SPATA13: variants seen among roughly 807,000 people sequenced by gnomAD.
SPATA13 encodes spermatogenesis-associated protein 13.
SPATA13 carries 50 observed loss-of-function variants against 104.0 expected under a neutral mutation model. The observed-to-expected ratio is 0.48, with a 90% CI of 0.38 to 0.61. The LOEUF (loss-of-function observed/expected upper bound fraction) is 0.61. SPATA13 is among the 20% of genes least tolerant of loss of function. SPATA13 has a pLI of 0.00. For synonymous variants in SPATA13, 606 were observed against 667.5 expected, an observed-to-expected ratio of 0.91 and a Z score of 1.42; for missense variants, 1,524 against 1,690.6, an observed-to-expected ratio of 0.90 and a Z score of 1.73.
In SPATA13 at chr13:24,271,011, A is replaced by ACTCTCTCTCACTTTCTCTCT. The variant is rs1566182781; in HGVS notation, c.2165-13112_2165-13111insTTCTCTCTCTCTCTCTCACT. 5 of 661,596 alleles carry ACTCTCTCTCACTTTCTCTCT rather than the reference A, an allele frequency of 7.6e-6. No homozygotes were observed. The African/African-American group carries it at 1.0e-4, about 13-fold the overall frequency. 41.0% of individuals were successfully genotyped at this position (661,596 alleles called of 1,614,324 possible). A position where few individuals can be genotyped will look rare whatever the true frequency, so the allele number is the denominator to read the frequency against. ...TCTTCCCCTCTCTCTCTCTCTCTCCACTCTCTCTCACTCTCTCTCTCTCTC... is the reference window on the plus strand; with the variant it reads ...TCTTCCCCTCTCTCTCTCTCTCTCCACTCTCTCTCACTTTCTCTCTCTCTCTCTCACTCTCTCTCTCTCTC... On this transcript the variant is annotated intron_variant, in intron 4 of 12. Transcript: ENST00000382108.
rs376588355 is a variant in SPATA13 at position 24,122,641 on chromosome 13, TGTA to T, written c.-111-100177_-111-100175del. ...CCTGTAAGAACCTTTTTGCACATAC[TGTA>T]TATCACTTCAAGATACTTGGTGACA... On this transcript the variant is annotated intron_variant, in intron 3 of 14. Coordinates refer to the SPATA13 transcript ENST00000424834. 3 of 1,211,386 alleles carry T rather than the reference TGTA, an allele frequency of 2.5e-6. No individual in the cohort carries two copies. The African/African-American group carries it at 4.7e-5, about 19-fold the overall frequency. 75.0% of individuals were successfully genotyped at this position (1,211,386 alleles called of 1,614,324 possible).
At chr13:24,157,762 C>G (rs768387456), upstream of SPATA13, among the ~76,000 whole-genome samples, 3 of 152,190 alleles carry the variant, frequency 2.0e-5, no homozygotes, top group East Asian at 1.9e-4. Context: ...AGATGGAATA[C>G]AGCATTGCTT....
chr13:23,999,732 C>T (rs1359980864), intron 2 of SPATA13, among the ~76,000 whole-genome samples: 4 of 152,226 alleles, frequency 2.6e-5, no homozygotes, highest in African/African-American at 9.6e-5. Flanking sequence ...TGTTTGAAAA[C>T]TGGTGTTTCT....
chr13:24,021,040 CAATA>C (rs1482030334), intron 3 of SPATA13, among the ~76,000 whole-genome samples: 1 of 152,110 alleles, frequency 6.6e-6, no homozygotes, highest in African/African-American at 2.4e-5. Context: ...GACTCCATCT[CAATA>C]AATAAATAAT....
At position 24,304,997 on chromosome 13, in the gene SPATA13, T is replaced by C. The variant is rs191659250; in HGVS notation, c.*2224T>C. On this transcript the variant is annotated 3_prime_UTR_variant, in exon 13 of 13. Coordinates refer to ENST00000382108, the MANE Select transcript of SPATA13 (RefSeq NM_001166271.3). ...CACCTTAGCAATAACTGTAGGGGTC[T>C]CTGCTAGAGTTGTTTGTATGTACAG... 3.0e-4 allele frequency: 46 copies of C among 152,384 alleles called. No individual in the cohort carries two copies. The Middle Eastern group carries it at 0.01, about 34-fold the overall frequency. 9.4% of individuals were successfully genotyped at this position (152,384 alleles called of 1,614,324 possible).
intron 3 of SPATA13, among the ~76,000 whole-genome samples, chr13:24,145,920 G>C (rs1300615452): frequency 6.6e-6 from 1 of 152,162 alleles, no homozygotes; most frequent in African/African-American, 2.4e-5. Flanking sequence ...CCATATGTGA[G>C]AAAGAAGGGG....
intron 3 of SPATA13, among the ~76,000 whole-genome samples, chr13:24,030,460 G>A (rs766164398): frequency 6.6e-6 from 1 of 152,110 alleles, no homozygotes; most frequent in Admixed American, 6.5e-5. Context: ...ATTTCTCTGA[G>A]GGCACAGCCT....
chr13:24,248,444 T>C (rs748899199), intron 2 of SPATA13, among the ~76,000 whole-genome samples: 3 of 152,244 alleles, frequency 2.0e-5, no homozygotes, highest in Non-Finnish European at 4.4e-5. Flanking sequence ...GCTTTTCTGG[T>C]ACATTGTGTT....
At chr13:24,115,351 G>T (rs1053548735) in intron 3 of SPATA13, among the ~76,000 whole-genome samples, 1 of 152,224 alleles carries the variant, frequency 6.6e-6, no homozygotes, top group Non-Finnish European at 1.5e-5. Flanking sequence ...ACTGGCACTG[G>T]TCCATGGCTT....
chr13:23,986,070 C>T (rs962129487), intron 2 of SPATA13, among the ~76,000 whole-genome samples: 1 of 152,154 alleles, frequency 6.6e-6, no homozygotes, highest in African/African-American at 2.4e-5. Context: ...CTCATTCCAC[C>T]CTTCCTGGCA....
chr13:24,126,053 CGA>C (rs1185827062), intron 3 of SPATA13, among the ~76,000 whole-genome samples: 1 of 152,006 alleles, frequency 6.6e-6, no homozygotes, highest in Non-Finnish European at 1.5e-5. Context: ...ATCAAACAGG[CGA>C]GAGTCTTGCA....
intron 3 of SPATA13, among the ~76,000 whole-genome samples, chr13:24,077,135 T>A (rs1054983913): frequency 1.3e-5 from 2 of 152,068 alleles, no homozygotes; most frequent in Non-Finnish European, 2.9e-5. Flanking sequence ...TTGAACTTAA[T>A]AGCAAATAGC....
chr13:24,009,003 CT>C (rs1876351064), intron 2 of SPATA13, among the ~76,000 whole-genome samples: 1 of 152,226 alleles, frequency 6.6e-6, no homozygotes, highest in Non-Finnish European at 1.5e-5. Context: ...GAGCAGTGGC[CT>C]CAGCCAGCGG....
chr13:24,066,138 G>A (rs1459370912), intron 3 of SPATA13, among the ~76,000 whole-genome samples: 1 of 152,074 alleles, frequency 6.6e-6, no homozygotes, highest in Non-Finnish European at 1.5e-5. Flanking sequence ...TAGGTTACAC[G>A]TGGACCAAGG....
intron 3 of SPATA13, among the ~76,000 whole-genome samples, chr13:24,137,279 G>A (rs73164095): frequency 0.075 from 11,450 of 152,204 alleles, 844 homozygotes; most frequent in East Asian, 0.4. Context: ...GAAGACATGG[G>A]CTCCAGCCCT....
chr13:24,247,478 C>CTTTTTTTTTTTTTTTTT lies in SPATA13; in HGVS notation c.1654-1996_1654-1980dup, dbSNP rs10625714. ...CACTGTGCTCTTTGCTCCACATTCA[C>CTTTTTTTTTTTTTTTTT]TTTTTTTTTTTTTTTTTTTGAGACA... On this transcript the variant is annotated intron_variant, in intron 2 of 12. Coordinates refer to ENST00000382108, the MANE Select transcript of SPATA13 (RefSeq NM_001166271.3). 8.0e-5 allele frequency among the ~76,000 whole-genome samples: 7 copies of CTTTTTTTTTTTTTTTTT among 87,122 alleles called. 2 individuals carry two copies. The highest frequency in any genetic ancestry group is 1.1e-4 in the Non-Finnish European group (5 of 46,558). The allele number at this position is 87,122 out of a possible 152,430, so 57.2% of individuals were successfully genotyped here.
rs3067220 is a variant in SPATA13 at position 24,258,364 on chromosome 13, C to CAAAAA, written c.2164+6518_2164+6522dup. 2.4e-4 allele frequency among the ~76,000 whole-genome samples: 23 copies of CAAAAA among 96,416 alleles called. No individual in the cohort carries two copies. In the South Asian group the frequency reaches 2.4e-3, roughly 10 times the overall value. The allele number at this position is 96,416 out of a possible 152,430, so 63.3% of individuals were successfully genotyped here. A position where few individuals can be genotyped will look rare whatever the true frequency, so the allele number is the denominator to read the frequency against. ...TACCATGAGAATGAAGAGTTCATCTCAAAAAAAAAAAAAAAAAAAAGGCCA... is the reference window on the plus strand; with the variant it reads ...TACCATGAGAATGAAGAGTTCATCTCAAAAAAAAAAAAAAAAAAAAAAAAAGGCCA... On this transcript the variant is annotated intron_variant, in intron 4 of 12. Transcript: ENST00000382108.
chr13:24,269,241 T>G (rs1874437429), intron 4 of SPATA13, among the ~76,000 whole-genome samples: 1 of 152,164 alleles, frequency 6.6e-6, no homozygotes, highest in African/African-American at 2.4e-5. Flanking sequence ...CCTAGAGACT[T>G]GGAAACTTTC....
In SPATA13 at chr13:24,175,454, G is replaced by A. The variant is rs572896424; in HGVS notation, c.-112+14522G>A. 1.1e-3 allele frequency among the ~76,000 whole-genome samples: 163 copies of A among 152,122 alleles called. 1 individual carries two copies. Among genetic ancestry groups the A allele is most frequent in the Non-Finnish European group, 2.1e-3 (141 of 68,002 alleles). ...GGTACCAAAGAGGGGCCATTTCATC[G>A]CACCATTGTTTTAGAATTAGAAACT... On this transcript the variant is annotated intron_variant, in intron 1 of 12. Transcript: ENST00000382108.
Sources: gnomAD v4.1 joint callset for allele counts (sites outside exome capture counted in the v4.1 genomes callset) on GRCh38, gnomAD v4.1.1 for gene constraint, MANE v1.5 for transcripts, NCBI Gene and HGNC (gene_info 2026-07-23, HGNC 2026-07-21) for gene names.